PRIM1: variants seen among roughly 807,000 people sequenced by gnomAD.
PRIM1 encodes DNA primase small subunit.
Under a neutral mutation model 60.2 loss-of-function variants are expected in PRIM1, and 38 were observed. That is an observed-to-expected ratio of 0.63 (90% CI 0.49 to 0.83). The LOEUF (loss-of-function observed/expected upper bound fraction) is 0.83, where lower values mean the gene tolerates loss of function less well. Among genes scored for constraint, PRIM1 ranks in the 40% least tolerant of loss-of-function variants. PRIM1 has a pLI of 0.00. For missense variants in PRIM1, 388 were observed against 506.2 expected (o/e 0.77, Z 2.24); for synonymous variants, 158 against 160.2 (o/e 0.99, Z 0.10).
rs1385016678 is a variant in PRIM1 at position 56,741,287 on chromosome 12, ACTT to A, written c.982+145_982+147del. 18 of 818,846 alleles carry A rather than the reference ACTT, an allele frequency of 2.2e-5. No homozygotes were observed. The African/African-American group carries it at 2.8e-4, about 13-fold the overall frequency. 50.7% of individuals were successfully genotyped at this position (818,846 alleles called of 1,614,324 possible). A position where few individuals can be genotyped will look rare whatever the true frequency, so the allele number is the denominator to read the frequency against. Reference sequence around the variant, plus strand: ...CATAGTAGAAACTCATCTGGTAGCTACTTAACTGACTTAGGTATTGGGTGACAG... The same window carrying A: ...CATAGTAGAAACTCATCTGGTAGCTAAACTGACTTAGGTATTGGGTGACAG... On this transcript the variant is annotated intron_variant, in intron 9 of 12. Transcript: ENST00000338193.
intron 2 of PRIM1, among the ~76,000 whole-genome samples, chr12:56,750,653 G>A (rs376736666): frequency 8.1e-4 from 122 of 150,330 alleles, no homozygotes; most frequent in Middle Eastern, 3.4e-3. Context: ...GCAATGGCGC[G>A]ATCTTGGCTC....
chr12:56,744,529 T>G (rs1300526048), intron 5 of PRIM1, among the ~76,000 whole-genome samples: 1 of 152,002 alleles, frequency 6.6e-6, no homozygotes, highest in Non-Finnish European at 1.5e-5. Context: ...TCCCATAAGA[T>G]TGCAATACTG....
intron 2 of PRIM1, among the ~76,000 whole-genome samples, chr12:56,750,267 A>G (rs891609257): frequency 2.6e-5 from 4 of 152,200 alleles, no homozygotes; most frequent in African/African-American, 2.4e-5. Flanking sequence ...GCAAACTGTT[A>G]GGAGGTTTTT....
intron 9 of PRIM1, among the ~76,000 whole-genome samples, chr12:56,740,271 T>C (rs1315515484): frequency 6.6e-6 from 1 of 152,200 alleles, no homozygotes; most frequent in East Asian, 1.9e-4. Flanking sequence ...ATATTCCATA[T>C]TTAAGTTCAG....
chr12:56,740,094 C>T (rs981727196), intron 9 of PRIM1, among the ~76,000 whole-genome samples: 1 of 151,882 alleles, frequency 6.6e-6, no homozygotes, highest in African/African-American at 2.4e-5. Context: ...CAAGATCGCG[C>T]CACTGTACTC....
At chr12:56,751,238 T>C (rs1393775090) in intron 1 of PRIM1, 43 bp from the exon 2 acceptor site, 1 of 1,405,238 alleles carries the variant, frequency 7.1e-7, no homozygotes. Flanking sequence ...TGCTACTTTA[T>C]TTGGCTCAGG....
At chr12:56,740,587 C>T (rs1301055855) in intron 9 of PRIM1, among the ~76,000 whole-genome samples, 1 of 151,960 alleles carries the variant, frequency 6.6e-6, no homozygotes, top group Non-Finnish European at 1.5e-5. Context: ...CAAGACCAAC[C>T]TGGGCAACAT....
chr12:56,737,872 C>T (rs1217580578), intron 11 of PRIM1, among the ~76,000 whole-genome samples: 2 of 152,048 alleles, frequency 1.3e-5, no homozygotes, highest in Non-Finnish European at 2.9e-5. Flanking sequence ...TTACAGGTGC[C>T]CTCCACCATG....
intron 7 of PRIM1, among the ~76,000 whole-genome samples, chr12:56,742,590 C>CA (rs369729770): frequency 1.3e-4 from 20 of 151,546 alleles, no homozygotes; most frequent in African/African-American, 3.6e-4. Flanking sequence ...ACAACAACAA[C>CA]AAAAAAACCC....
intron 11 of PRIM1, among the ~76,000 whole-genome samples, chr12:56,737,221 T>TA (rs1953839398): frequency 6.6e-6 from 1 of 152,092 alleles, no homozygotes; most frequent in Non-Finnish European, 1.5e-5. Flanking sequence ...TGATCTGAGG[T>TA]AAAAAAGTTT....
Position 56,741,472 on chromosome 12 carries a change from ATGAT to A in PRIM1, c.941_944del (p.Asn314IlefsTer3). ...GAACACTAAAAGGGCTCTTCAGTAG[ATGAT>A]TGATTCCTTTGCTGACATTGATATC... On this transcript the variant is annotated frameshift_variant, in exon 9 of 13. Coordinates refer to ENST00000338193, the MANE Select transcript of PRIM1 (RefSeq NM_000946.3). LOFTEE classifies it high-confidence loss of function. 6.2e-7 allele frequency: 1 copy of A among 1,613,778 alleles called. No individual in the cohort carries two copies. The highest frequency in any genetic ancestry group is 8.5e-7 in the Non-Finnish European group (1 of 1,179,816).
At chr12:56,752,146 C>T (rs757049489) in intron 1 of PRIM1, 50 bp downstream of exon 1, 75 of 1,374,684 alleles carry the variant, frequency 5.5e-5, no homozygotes, top group Non-Finnish European at 6.7e-5. Flanking sequence ...GACACCCCGC[C>T]TCCAACCTCC....
intron 11 of PRIM1, among the ~76,000 whole-genome samples, chr12:56,735,198 A>G (rs1297606261): frequency 1.3e-5 from 2 of 151,470 alleles, no homozygotes; most frequent in Admixed American, 1.3e-4. Flanking sequence ...TCCCGAGTTC[A>G]AGCGATTCTC....
In PRIM1 at chr12:56,752,228, G is replaced by A; in HGVS notation, c.71C>T (p.Ser24Phe). The A allele has an allele frequency of 6.2e-7, 1 of 1,603,540 alleles. No homozygotes were observed. Residue 24 changes from serine (S) to phenylalanine (F), a missense_variant, in exon 1 of 13, where the codon TCT becomes TTT. Coordinates refer to ENST00000338193, the MANE Select transcript of PRIM1 (RefSeq NM_000946.3). ...KLYYRRLFPY[S>F]QYYRWLNYGG... ...GTAGTTGAGCCAGCGATAGTACTGAGAGTAGGGAAAGAGCCTCCGGTAATA... is the reference window on the plus strand; with the variant it reads ...GTAGTTGAGCCAGCGATAGTACTGAAAGTAGGGAAAGAGCCTCCGGTAATA...
Position 56,746,772 on chromosome 12 carries a change from G to A in PRIM1, c.442+9C>T. On this transcript the variant is annotated intron_variant, in intron 4 of 12. Transcript: ENST00000338193. ...CACTTGACCCCATTCAGAAACTGCT[G>A]ATACTTGCCCTTCAATGCTCTGTCA... The A allele has an allele frequency of 6.2e-7, 1 of 1,613,318 alleles. No individual in the cohort carries two copies. The highest frequency in any genetic ancestry group is 8.5e-7 in the Non-Finnish European group (1 of 1,179,520).
At chr12:56,738,388 T>C (rs1004794290) in intron 11 of PRIM1, 46 bp downstream of exon 11, 2 of 1,501,064 alleles carry the variant, frequency 1.3e-6, no homozygotes, top group Admixed American at 4.6e-5. Flanking sequence ...TGGATATCTA[T>C]ATAAAAACCC....
chr12:56,745,106 CAAA>C (rs769500502), intron 5 of PRIM1, among the ~76,000 whole-genome samples: 3 of 97,166 alleles, frequency 3.1e-5, no homozygotes, highest in Admixed American at 1.2e-4. Context: ...GACTCCGTCT[CAAA>C]AAAAAAAAAA....
At chr12:56,745,811 A>G (rs1195859309) in intron 5 of PRIM1, among the ~76,000 whole-genome samples, 7 of 151,642 alleles carry the variant, frequency 4.6e-5, no homozygotes, top group Admixed American at 4.6e-4. Context: ...CAGTGGCAGG[A>G]GCCTGTAGTC....
chr12:56,741,521 T>C lies in PRIM1; in HGVS notation c.896A>G (p.Gln299Arg). 6.2e-7 allele frequency: 1 copy of C among 1,613,702 alleles called. No individual in the cohort carries two copies. The highest frequency in any genetic ancestry group is 8.5e-7 in the Non-Finnish European group (1 of 1,179,716). Residue 299 changes from glutamine to arginine, a missense_variant, in exon 9 of 13, where the codon CAG (glutamine) becomes CGG (arginine). Physicochemically the swap from Gln to Arg is conservative, Grantham distance 43 (BLOSUM62 1). Around this residue, in one of 3 missense-constraint regions of PRIM1, gnomAD observed 211 missense variants for 277.9 expected, o/e 0.76. Coordinates refer to ENST00000338193, the MANE Select transcript of PRIM1 (RefSeq NM_000946.3). ...GATATCCAGCCGTGGAAAACAGTAC[T>C]GGAGCATAATCTCCCACTCCAGCCA... Reference protein sequence around the residue: ...GPWLEWEIMLQYCFPRLDINV... With the variant: ...GPWLEWEIMLRYCFPRLDINV...
Sources: gnomAD v4.1 joint callset for allele counts (sites outside exome capture counted in the v4.1 genomes callset) on GRCh38, gnomAD v4.1.1 for gene constraint, gnomAD v4.1.1 regional missense constraint, MANE v1.5 for transcripts, NCBI Gene and HGNC (gene_info 2026-07-23, HGNC 2026-07-21) for gene names.